The following ABL1 variants were observed in gnomAD, a reference collection of about 807,000 sequenced individuals.
ABL1 encodes ABL proto-oncogene 1, non-receptor tyrosine kinase, also known as tyrosine-protein kinase ABL1.
In ABL1, 11 loss-of-function variants were observed where a neutral mutation model predicts 94.7. That is an observed-to-expected ratio of 0.12 (90% CI 0.07 to 0.19). The LOEUF (loss-of-function observed/expected upper bound fraction) is 0.19. Among genes scored for constraint, ABL1 ranks in the 10% least tolerant of loss-of-function variants. The pLI is 1.00. For synonymous variants in ABL1, 656 were observed against 622.4 expected, an observed-to-expected ratio of 1.05 and a Z score of -0.80; for missense variants, 1,082 against 1,489.4, an observed-to-expected ratio of 0.73 and a Z score of 4.50.
chr9:130,804,248 ACCTGGGAG>A (rs1209342496), intron 1 of ABL1, among the ~76,000 whole-genome samples: 3 of 151,934 alleles, frequency 2.0e-5, no homozygotes, highest in African/African-American at 7.3e-5. Flanking sequence ...AGTACCAGCT[ACCTGGGAG>A]CCTGAGGCAG....
At chr9:130,785,090 G>GA (rs973946583) in intron 1 of ABL1, among the ~76,000 whole-genome samples, 2 of 152,186 alleles carry the variant, frequency 1.3e-5, no homozygotes, top group African/African-American at 4.8e-5. Flanking sequence ...CGTGACATGG[G>GA]AACTGGACTC....
Position 130,863,125 on chromosome 9 carries a change from T to A in ABL1, c.822+90T>A. ...TGCATCTGCCTGGAAGTCTACCTCC[T>A]GCCTGCTGTCCGAGGGCTTCATTGG... is the stretch of plus-strand genomic sequence containing the variant. On this transcript the variant is annotated intron_variant, in intron 4 of 10. Transcript: ENST00000318560. The surrounding 1 kb of genome is among the most constrained non-coding windows in gnomAD (Gnocchi z 4.3). The A allele has an allele frequency of 1.4e-6, 2 of 1,419,212 alleles. No individual in the cohort carries two copies. The highest frequency in any genetic ancestry group is 1.9e-6 in the Non-Finnish European group (2 of 1,065,308). The allele number at this position is 1,419,212 out of a possible 1,614,324, so 87.9% of individuals were successfully genotyped here. A position where few individuals can be genotyped will look rare whatever the true frequency, so the allele number is the denominator to read the frequency against.
rs369307508 is a variant in ABL1, at chr9:130,884,648, G to A, written c.2358G>A (p.Leu786=). 1.9e-5 allele frequency: 31 copies of A among 1,613,246 alleles called. No homozygotes were observed. Among genetic ancestry groups the A allele is most frequent in the Middle Eastern group, 1.6e-4 (1 of 6,062 alleles). The change falls in exon 11 of 11, where the codon CTG becomes CTA. Residue 786 remains leucine, a synonymous_variant. Coordinates refer to ENST00000318560, the MANE Select transcript of ABL1 (RefSeq NM_005157.6). The surrounding 1 kb of genome is among the most constrained non-coding windows in gnomAD (Gnocchi z 5.6). ...GCACAGTAACGCCTCCCCCCAGGCT[G>A]GTGAAAAAGAATGAGGAAGCTGCTG... ...TRGTVTPPPR[L]VKKNEEAADE... is the part of the protein sequence containing the mutation.
At chr9:130,817,821 C>A (rs995931745) in intron 1 of ABL1, among the ~76,000 whole-genome samples, 2 of 152,158 alleles carry the variant, frequency 1.3e-5, no homozygotes, top group African/African-American at 4.8e-5. Context: ...TGGATGTACC[C>A]GTGTATTGAT....
At chr9:130,804,815 A>C (rs1250492184) in intron 1 of ABL1, among the ~76,000 whole-genome samples, 1 of 152,236 alleles carries the variant, frequency 6.6e-6, no homozygotes, top group Non-Finnish European at 1.5e-5. Flanking sequence ...ATATCATAAT[A>C]AAATCAGAAG....
At chr9:130,766,441 C>T (rs1266518943) in intron 1 of ABL1, among the ~76,000 whole-genome samples, 3 of 152,160 alleles carry the variant, frequency 2.0e-5, no homozygotes, top group Admixed American at 2.0e-4. Flanking sequence ...CTGGAGGGTG[C>T]AGGTACTGGA....
At chr9:130,846,171 T>C (rs1830768586) in intron 1 of ABL1, among the ~76,000 whole-genome samples, 1 of 152,010 alleles carries the variant, frequency 6.6e-6, no homozygotes, top group South Asian at 2.1e-4. Context: ...AATTACAAAA[T>C]AAAGGACCAT....
At chr9:130,747,363 A>G (rs1831900674) in intron 1 of ABL1, among the ~76,000 whole-genome samples, 1 of 151,822 alleles carries the variant, frequency 6.6e-6, no homozygotes, top group East Asian at 1.9e-4. Flanking sequence ...GAGCAAGAGT[A>G]AGACCCTGTC....
Position 130,874,932 on chromosome 9 carries a change from C to T in ABL1, c.1150C>T (p.Leu384=). ...CTTGGTGAAGGTAGCTGATTTTGGC[C>T]TGAGCAGGTTGATGACAGGGGACAC... ...NHLVKVADFG[L]SRLMTGDTYT... is the part of the protein sequence containing the mutation. Residue 384 remains leucine, a synonymous_variant, in exon 7 of 11, where the codon CTG becomes TTG. Coordinates refer to ENST00000318560, the MANE Select transcript of ABL1 (RefSeq NM_005157.6). The T allele has an allele frequency of 6.2e-7, 1 of 1,614,162 alleles. No homozygotes were observed. The highest frequency in any genetic ancestry group is 8.5e-7 in the Non-Finnish European group (1 of 1,180,028).
intron 1 of ABL1, among the ~76,000 whole-genome samples, chr9:130,797,236 G>GGAA (rs1491324780): frequency 3.6e-5 from 2 of 55,168 alleles, no homozygotes; most frequent in African/African-American, 1.2e-4. Context: ...ACTCCATCTC[G>GGAA]AAAAAAAAAA....
chr9:130,856,656 C>G (rs1168078352), intron 3 of ABL1, among the ~76,000 whole-genome samples: 1 of 152,208 alleles, frequency 6.6e-6, no homozygotes. Context: ...CTAGTTCCTT[C>G]TAGAGTTACC....
At chr9:130,809,138 A>G (rs1384871146) in intron 1 of ABL1, among the ~76,000 whole-genome samples, 1 of 152,182 alleles carries the variant, frequency 6.6e-6, no homozygotes, top group Non-Finnish European at 1.5e-5. Flanking sequence ...CACAGAGAAG[A>G]GAACACTGGC....
intron 1 of ABL1, among the ~76,000 whole-genome samples, chr9:130,837,504 T>C (rs1830606666): frequency 6.6e-6 from 1 of 151,952 alleles, no homozygotes; most frequent in Non-Finnish European, 1.5e-5. Context: ...CTAAAACTCA[T>C]TCCAACATGT....
intron 4 of ABL1, among the ~76,000 whole-genome samples, chr9:130,867,693 G>A (rs547607334): frequency 4.5e-4 from 69 of 152,328 alleles, no homozygotes; most frequent in Non-Finnish European, 8.5e-4. Context: ...AAGGGCAGTC[G>A]TACCCTTGGC....
intron 1 of ABL1, among the ~76,000 whole-genome samples, chr9:130,839,219 A>C (rs1830633376): frequency 6.6e-6 from 1 of 151,738 alleles, no homozygotes; most frequent in South Asian, 2.1e-4. Flanking sequence ...GAGCCACTGC[A>C]CTCAGCCTGA....
chr9:130,786,085 A>C (rs1278297996), intron 1 of ABL1, among the ~76,000 whole-genome samples: 1 of 152,202 alleles, frequency 6.6e-6, no homozygotes, highest in African/African-American at 2.4e-5. Flanking sequence ...CACACCACAC[A>C]GGCACATGGG....
rs1564321933 is a variant in ABL1, at chr9:130,880,493, T to G, written c.1514-7T>G. On this transcript the variant is annotated splice_polypyrimidine_tract_variant and splice_region_variant and intron_variant, in intron 9 of 10. Transcript: ENST00000318560. The surrounding 1 kb of genome is among the most constrained non-coding windows in gnomAD (Gnocchi z 4.4). ...GATTTTTGTTTCTGTCCCTGTATGA[T>G]TCTTAGAAGTGGAAAAGGAGCTGGG... 6.2e-7 allele frequency: 1 copy of G among 1,613,794 alleles called. No individual in the cohort carries two copies. The highest frequency in any genetic ancestry group is 8.5e-7 in the Non-Finnish European group (1 of 1,179,836).
At chr9:130,753,422 CTTTTT>C (rs71389347) in intron 1 of ABL1, among the ~76,000 whole-genome samples, 1 of 90,342 alleles carries the variant, frequency 1.1e-5, no homozygotes, top group African/African-American at 5.1e-5. Flanking sequence ...TTTTTCTTTT[CTTTTT>C]TTTTTTTTTT....
rs568223889 is a variant in ABL1, at chr9:130,810,117, T to C, written c.137-43947T>C. ...CCAGAAATGAGACAGATTATATAAGTAGTACATTACAGACATTAGTCATTA... is the reference window on the plus strand; with the variant it reads ...CCAGAAATGAGACAGATTATATAAGCAGTACATTACAGACATTAGTCATTA... On this transcript the variant is annotated intron_variant, in intron 1 of 10. Transcript: ENST00000372348. Among the ~76,000 whole-genome samples, 20 of 152,282 alleles carry C rather than the reference T, an allele frequency of 1.3e-4. No homozygotes were observed. In the South Asian group the frequency reaches 2.5e-3, roughly 19 times the overall value.
Sources: gnomAD v4.1 joint callset for allele counts (sites outside exome capture counted in the v4.1 genomes callset) on GRCh38, gnomAD v4.1.1 for gene constraint, Gnocchi (gnomAD v3.1) non-coding constraint, MANE v1.5 for transcripts, NCBI Gene and HGNC (gene_info 2026-07-23, HGNC 2026-07-21) for gene names.